The following SGIP1 variants were observed in gnomAD, a reference collection of about 807,000 sequenced individuals.
The protein encoded by SGIP1 is SH3GL interacting endocytic adaptor 1.
SGIP1 carries 38 observed loss-of-function variants against 107.5 expected under a neutral mutation model. The observed-to-expected ratio is 0.35, with a 90% CI of 0.27 to 0.46. The LOEUF (loss-of-function observed/expected upper bound fraction) is 0.46. SGIP1 is among the 20% of genes least tolerant of loss of function. The pLI, the probability that SGIP1 is intolerant of heterozygous loss-of-function variation, is 1.00. For missense variants in SGIP1, 929 were observed against 1,019.5 expected, an observed-to-expected ratio of 0.91 and a Z score of 1.21; for synonymous variants, 365 against 366.1, an observed-to-expected ratio of 1.00 and a Z score of 0.03.
rs2089269381 is a variant in SGIP1, at chr1:66,689,265, T to C, written c.1433T>C (p.Val478Ala). 1.9e-6 allele frequency: 3 copies of C among 1,612,994 alleles called. No homozygotes were observed. The highest frequency in any genetic ancestry group is 2.2e-5 in the East Asian group (1 of 44,808). ...RPKLPPGKPG[V>A]GDVSRPFSPP... is the part of the protein sequence containing the mutation. ...AAGCTACCTCCAGGAAAACCTGGAG[T>C]TGGAGATGTGGTATGTTCCCTTCTG... Residue 478 changes from valine to alanine, a missense_variant, in exon 16 of 25, where the codon GTT becomes GCT. Transcript: ENST00000371037.
chr1:66,680,072 G>T (rs2086335379), intron 14 of SGIP1, among the ~76,000 whole-genome samples: 1 of 152,102 alleles, frequency 6.6e-6, no homozygotes, highest in South Asian at 2.1e-4. Context: ...CACTTCGTTG[G>T]ATCTCGTTTT....
chr1:66,653,077 A>G (rs981052690), intron 7 of SGIP1, among the ~76,000 whole-genome samples: 3 of 152,202 alleles, frequency 2.0e-5, no homozygotes, highest in African/African-American at 7.2e-5. Context: ...CTTAGAAGCC[A>G]GCCCCCTCTA....
At chr1:66,675,443 C>A (rs563362529) in intron 12 of SGIP1, among the ~76,000 whole-genome samples, 4 of 152,058 alleles carry the variant, frequency 2.6e-5, no homozygotes, top group African/African-American at 9.6e-5. Context: ...TTTTTCGATA[C>A]CCACACTTCC....
At chr1:66,601,194 T>G (rs563937448) in intron 1 of SGIP1, among the ~76,000 whole-genome samples, 15 of 152,120 alleles carry the variant, frequency 9.9e-5, no homozygotes, top group Non-Finnish European at 1.8e-4. Flanking sequence ...AAACCCCGTC[T>G]CTGCTAAAAA....
At chr1:66,563,958 G>A (rs1051780373) in intron 1 of SGIP1, among the ~76,000 whole-genome samples, 1 of 152,026 alleles carries the variant, frequency 6.6e-6, no homozygotes, top group African/African-American at 2.4e-5. Context: ...GCCATGAATA[G>A]ATGTGTGTCC....
At chr1:66,632,999 C>A in intron 2 of SGIP1, 71 bp from the exon 3 acceptor site, 1 of 963,424 alleles carries the variant, frequency 1.0e-6, no homozygotes, top group Non-Finnish European at 1.7e-6. Flanking sequence ...TTGGTTCTTA[C>A]TGTTGTACTT....
At chr1:66,640,076 C>T (rs1333623270) in intron 5 of SGIP1, among the ~76,000 whole-genome samples, 1 of 152,098 alleles carries the variant, frequency 6.6e-6, no homozygotes, top group Non-Finnish European at 1.5e-5. Context: ...AGCTGATCAG[C>T]TATTGTTAAT....
At chr1:66,566,429 G>T (rs1195991041) in intron 1 of SGIP1, among the ~76,000 whole-genome samples, 1 of 151,932 alleles carries the variant, frequency 6.6e-6, no homozygotes, top group African/African-American at 2.4e-5. Flanking sequence ...ATCAAGAAAA[G>T]AATGCACTTT....
intron 9 of SGIP1, among the ~76,000 whole-genome samples, chr1:66,669,261 A>C (rs892347241): frequency 2.0e-5 from 3 of 152,234 alleles, no homozygotes; most frequent in African/African-American, 7.2e-5. Context: ...TATCCATTGA[A>C]TGAATTGACA....
At chr1:66,720,500 G>C (rs1056323388) in intron 19 of SGIP1, among the ~76,000 whole-genome samples, 1 of 152,184 alleles carries the variant, frequency 6.6e-6, no homozygotes, top group African/African-American at 2.4e-5. Context: ...GGCCAAGACA[G>C]GAGGATTGCT....
At chr1:66,731,131 A>T (rs1572362480) in intron 20 of SGIP1, among the ~76,000 whole-genome samples, 1 of 152,286 alleles carries the variant, frequency 6.6e-6, no homozygotes, top group East Asian at 1.9e-4. Context: ...ACAGTTAATA[A>T]TGACATATCT....
At chr1:66,587,484 A>G (rs1389679690) in intron 1 of SGIP1, among the ~76,000 whole-genome samples, 1 of 151,962 alleles carries the variant, frequency 6.6e-6, no homozygotes, top group African/African-American at 2.4e-5. Context: ...ATTTCAGATT[A>G]TATTATTCAG....
intron 17 of SGIP1, among the ~76,000 whole-genome samples, chr1:66,692,574 A>G (rs954452630): frequency 6.6e-6 from 1 of 152,156 alleles, no homozygotes; most frequent in Non-Finnish European, 1.5e-5. Flanking sequence ...GGGCTGTTCA[A>G]CACCAAAGGG....
chr1:66,603,558 C>T (rs1004940922), intron 1 of SGIP1, among the ~76,000 whole-genome samples: 17 of 152,000 alleles, frequency 1.1e-4, no homozygotes, highest in Non-Finnish European at 5.9e-5. Flanking sequence ...AATCTAGAAC[C>T]GATCACACAG....
Position 66,630,883 on chromosome 1 carries a change from GAAA to G in SGIP1, c.75-2186_75-2184del, listed in dbSNP as rs1558134025. Among the ~76,000 whole-genome samples the G allele has an allele frequency of 6.4e-4, 31 of 48,362 alleles. 5 individuals carry two copies. The highest frequency in any genetic ancestry group is 4.3e-3 in the South Asian group (2 of 470). 31.7% of individuals were successfully genotyped at this position (48,362 alleles called of 152,430 possible). ...AGAAAGAAAGAAAGAAAGAAAGAAAGAAAGAAAGAAAGAAAGAAAGAAGGGAGG... is the reference window on the plus strand; with the variant it reads ...AGAAAGAAAGAAAGAAAGAAAGAAAGGAAAGAAAGAAAGAAAGAAGGGAGG... On this transcript the variant is annotated intron_variant, in intron 2 of 24. Transcript: ENST00000371037.
At chr1:66,739,610 G>A (rs377439982) in intron 22 of SGIP1, 73 bp downstream of exon 22, 49 of 1,473,066 alleles carry the variant, frequency 3.3e-5, no homozygotes, top group Admixed American at 2.1e-4. Flanking sequence ...TAGCACTTGC[G>A]TGTCCTGTAG....
At chr1:66,584,385 A>G (rs1332692072) in intron 1 of SGIP1, among the ~76,000 whole-genome samples, 15 of 152,134 alleles carry the variant, frequency 9.9e-5, no homozygotes, top group Admixed American at 9.8e-4. Context: ...TAAGTTGGAA[A>G]GGACTTCACA....
rs1272182224 is a variant in SGIP1, at chr1:66,746,831, C to T, written c.*3736C>T. ...ATTTGAATGCCAAGGTAGAAGGCACCATGAAAAACCATTACCAAAATAAGG... is the reference window on the plus strand; with the variant it reads ...ATTTGAATGCCAAGGTAGAAGGCACTATGAAAAACCATTACCAAAATAAGG... On this transcript the variant is annotated 3_prime_UTR_variant, in exon 25 of 25. Coordinates refer to ENST00000371037, the MANE Select transcript of SGIP1 (RefSeq NM_032291.4). 5 of 151,982 alleles carry T rather than the reference C, an allele frequency of 3.3e-5. No individual in the cohort carries two copies. The highest frequency in any genetic ancestry group is 2.0e-4 in the Admixed American group (3 of 15,256). 9.4% of individuals were successfully genotyped at this position (151,982 alleles called of 1,614,324 possible). A position where few individuals can be genotyped will look rare whatever the true frequency, so the allele number is the denominator to read the frequency against.
rs146758064 is a variant in SGIP1, at chr1:66,695,321, G to A, written c.1571-113G>A. ...TTCCTGCACGCTAATGGCATGTAGT[G>A]CCTCCACCCTTCCCTATAGTGAGAT... is the stretch of plus-strand genomic sequence containing the variant. On this transcript the variant is annotated intron_variant, in intron 17 of 24. Coordinates refer to ENST00000371037, the MANE Select transcript of SGIP1 (RefSeq NM_032291.4). 2.4e-4 allele frequency: 378 copies of A among 1,576,392 alleles called. 3 individuals carry two copies. The African/African-American group carries it at 4.6e-3, about 19-fold the overall frequency.
Sources: gnomAD v4.1 joint callset for allele counts (sites outside exome capture counted in the v4.1 genomes callset) on GRCh38, gnomAD v4.1.1 for gene constraint, MANE v1.5 for transcripts, NCBI Gene and HGNC (gene_info 2026-07-23, HGNC 2026-07-21) for gene names.